The following ZNF385D variants were observed in gnomAD, a reference collection of about 807,000 sequenced individuals.
The protein encoded by ZNF385D is zinc finger protein 659.
Under a neutral mutation model 35.8 loss-of-function variants are expected in ZNF385D, and 15 were observed. The ratio of observed to expected loss-of-function variants is 0.42; its 90% confidence interval spans 0.28 to 0.64. ZNF385D has a LOEUF of 0.64. Among genes scored for constraint, ZNF385D ranks in the 30% least tolerant of loss-of-function variants. The pLI, the probability that ZNF385D is intolerant of heterozygous loss-of-function variation, is 0.23. For missense variants in ZNF385D, 474 were observed against 494.6 expected, an observed-to-expected ratio of 0.96 and a Z score of 0.39; for synonymous variants, 212 against 186.8, an observed-to-expected ratio of 1.13 and a Z score of -1.10.
At chr3:22,142,742 G>C (rs1190685586) in intron 3 of ZNF385D, among the ~76,000 whole-genome samples, 1 of 152,064 alleles carries the variant, frequency 6.6e-6, no homozygotes, top group Non-Finnish European at 1.5e-5. Flanking sequence ...ACCTTGTGGA[G>C]TTTATTTCCC....
rs538972176 is a variant in ZNF385D at position 22,355,025 on chromosome 3, A to C, written c.106+17425T>G. Reference sequence around the variant, plus strand: ...CTTTATTATACAAATTTAATTATAAAATTGGATAAATTGAAATTATACATT... The same window carrying C: ...CTTTATTATACAAATTTAATTATAACATTGGATAAATTGAAATTATACATT... On this transcript the variant is annotated intron_variant, in intron 2 of 5. Coordinates refer to the ZNF385D transcript ENST00000494108. Among the ~76,000 whole-genome samples the C allele has an allele frequency of 7.2e-5, 11 of 152,178 alleles. No individual in the cohort carries two copies. In the East Asian group the frequency reaches 2.1e-3, roughly 29 times the overall value.
At chr3:21,809,505 G>A (rs2072807696) in intron 3 of ZNF385D, among the ~76,000 whole-genome samples, 1 of 151,636 alleles carries the variant, frequency 6.6e-6, no homozygotes, top group African/African-American at 2.4e-5. Context: ...GATTCTTTTT[G>A]AAATAAGGTA....
intron 3 of ZNF385D, among the ~76,000 whole-genome samples, chr3:22,160,404 A>G (rs1705869720): frequency 6.6e-6 from 1 of 152,168 alleles, no homozygotes; most frequent in African/African-American, 2.4e-5. Flanking sequence ...AGACAAATTT[A>G]TATATAAATG....
chr3:21,900,083 A>G (rs1425245240), intron 3 of ZNF385D, among the ~76,000 whole-genome samples: 5 of 152,212 alleles, frequency 3.3e-5, no homozygotes, highest in African/African-American at 9.6e-5. Flanking sequence ...TTATTTACAA[A>G]ACAAGAAACA....
chr3:21,557,755 C>A (rs113689402), intron 3 of ZNF385D, among the ~76,000 whole-genome samples: 1 of 152,084 alleles, frequency 6.6e-6, no homozygotes, highest in Non-Finnish European at 1.5e-5. Flanking sequence ...CCTTTTTGTA[C>A]CTCTGGTAGA....
intron 3 of ZNF385D, among the ~76,000 whole-genome samples, chr3:22,125,469 C>T (rs112655036): frequency 2.0e-5 from 3 of 151,960 alleles, no homozygotes; most frequent in African/African-American, 7.2e-5. Context: ...GCTATTCTGA[C>T]AAGGATTGCA....
chr3:22,083,416 A>T (rs1185353042), intron 3 of ZNF385D, among the ~76,000 whole-genome samples: 1 of 152,242 alleles, frequency 6.6e-6, no homozygotes, highest in Non-Finnish European at 1.5e-5. Flanking sequence ...AAACCATGGC[A>T]CAAGAACTAC....
intron 2 of ZNF385D, among the ~76,000 whole-genome samples, chr3:21,639,182 G>A (rs1039385761): frequency 1.3e-5 from 2 of 151,944 alleles, no homozygotes; most frequent in Non-Finnish European, 2.9e-5. Flanking sequence ...ACTTCCACAT[G>A]CCCTGTATCT....
intron 2 of ZNF385D, among the ~76,000 whole-genome samples, chr3:22,278,833 G>C (rs1034172803): frequency 6.6e-6 from 1 of 152,034 alleles, no homozygotes; most frequent in South Asian, 2.1e-4. Flanking sequence ...CTATCTTGTG[G>C]GGTCTGGGTT....
intron 3 of ZNF385D, among the ~76,000 whole-genome samples, chr3:21,756,840 T>C (rs2070360634): frequency 6.6e-6 from 1 of 152,206 alleles, no homozygotes; most frequent in Non-Finnish European, 1.5e-5. Flanking sequence ...ATAAATAAGC[T>C]GTCCATACGG....
intron 3 of ZNF385D, among the ~76,000 whole-genome samples, chr3:21,943,768 T>C (rs1009647344): frequency 6.6e-6 from 1 of 152,154 alleles, no homozygotes; most frequent in Non-Finnish European, 1.5e-5. Flanking sequence ...ATAAAGATAC[T>C]ACATGAACAG....
At chr3:22,215,320 A>G (rs998605947) in intron 2 of ZNF385D, among the ~76,000 whole-genome samples, 16 of 152,084 alleles carry the variant, frequency 1.1e-4, no homozygotes, top group Non-Finnish European at 2.2e-4. Flanking sequence ...TGAGCCAGGC[A>G]GAACAGAGCC....
intron 3 of ZNF385D, among the ~76,000 whole-genome samples, chr3:21,989,283 T>A (rs1355232369): frequency 2.0e-5 from 3 of 152,164 alleles, no homozygotes; most frequent in Non-Finnish European, 4.4e-5. Context: ...TACAATTTTT[T>A]AAAATTGTAG....
At chr3:22,013,083 G>T (rs1393870639) in intron 3 of ZNF385D, among the ~76,000 whole-genome samples, 1 of 152,092 alleles carries the variant, frequency 6.6e-6, no homozygotes, top group African/African-American at 2.4e-5. Flanking sequence ...AGCTCAAACA[G>T]AATGTAAAAC....
intron 2 of ZNF385D, among the ~76,000 whole-genome samples, chr3:22,172,266 T>A (rs1694506050): frequency 6.6e-6 from 1 of 152,200 alleles, no homozygotes; most frequent in Non-Finnish European, 1.5e-5. Flanking sequence ...ATCAAAGGAA[T>A]GAGGTGTTTG....
intron 3 of ZNF385D, among the ~76,000 whole-genome samples, chr3:21,786,694 T>C (rs1027629902): frequency 2.0e-5 from 3 of 152,216 alleles, no homozygotes; most frequent in African/African-American, 7.2e-5. Flanking sequence ...CTTTTCTGCT[T>C]GGTAATTCAT....
chr3:22,165,389 G>C (rs1444545352), intron 3 of ZNF385D, among the ~76,000 whole-genome samples: 1 of 152,218 alleles, frequency 6.6e-6, no homozygotes, highest in African/African-American at 2.4e-5. Flanking sequence ...GTGGAAAGAT[G>C]ACAGTTTACT....
chr3:21,443,191 A>G, intron 4 of ZNF385D: 6 of 985,346 alleles, frequency 6.1e-6, no homozygotes, highest in Non-Finnish European at 7.2e-6. Flanking sequence ...GGGTAGGTCC[A>G]GTCACCAGCC....
chr3:21,976,941 T>C (rs1304120200), intron 3 of ZNF385D, among the ~76,000 whole-genome samples: 1 of 152,208 alleles, frequency 6.6e-6, no homozygotes, highest in African/African-American at 2.4e-5. Flanking sequence ...TGAGCCCAGA[T>C]TGTGCCACTG....
Sources: allele counts gnomAD v4.1 joint callset (sites outside exome capture counted in the v4.1 genomes callset), GRCh38; gene constraint gnomAD v4.1.1; transcripts MANE v1.5; gene names NCBI Gene and HGNC (gene_info 2026-07-23, HGNC 2026-07-21).